Variants in GNS observed in about 807,000 individuals in gnomAD.
GNS encodes glucosamine (N-acetyl)-6-sulfatase.
A neutral mutation model predicts 69.7 loss-of-function variants in GNS; 40 were observed. The observed-to-expected ratio is 0.57, with a 90% confidence interval of 0.45 to 0.75. The LOEUF (loss-of-function observed/expected upper bound fraction) is 0.75. Among genes scored for constraint, GNS ranks in the 30% least tolerant of loss-of-function variants. The probability of loss-of-function intolerance (pLI) is 0.00; values close to 1 mark genes in which losing one functional copy is unlikely to be tolerated. For synonymous variants in GNS, 243 were observed against 251.6 expected, an observed-to-expected ratio of 0.97 and a Z score of 0.32; for missense variants, 565 against 685.5, an observed-to-expected ratio of 0.82 and a Z score of 1.96.
chr12:64,729,306 C>T (rs1235465139), intron 9 of GNS: 1 of 468,812 alleles, frequency 2.1e-6, no homozygotes, highest in Non-Finnish European at 3.8e-6. Flanking sequence ...TCTACCCATT[C>T]TGTTATTGAT....
chr12:64,742,606 G>A (rs1869780127), intron 6 of GNS, among the ~76,000 whole-genome samples: 1 of 152,310 alleles, frequency 6.6e-6, no homozygotes, highest in South Asian at 2.1e-4. Context: ...CTGAGGCAAT[G>A]CAGGCCTTCT....
intron 9 of GNS, 129 bp from the exon 10 acceptor site, chr12:64,729,186 A>G: frequency 1.4e-6 from 1 of 701,510 alleles, no homozygotes; most frequent in Non-Finnish European, 2.6e-6. Context: ...TACAGCCCAT[A>G]CTTTGGTCTG....
chr12:64,727,539 A>G (rs918339881), intron 10 of GNS, among the ~76,000 whole-genome samples: 1 of 152,228 alleles, frequency 6.6e-6, no homozygotes, highest in Non-Finnish European at 1.5e-5. Context: ...ATATATTCAC[A>G]CACAGAATGT....
chr12:64,751,758 G>C (rs551464680), intron 2 of GNS, among the ~76,000 whole-genome samples: 3 of 151,912 alleles, frequency 2.0e-5, no homozygotes, highest in Admixed American at 1.3e-4. Flanking sequence ...AGGCCGAGGC[G>C]GGCAGATCAC....
At position 64,740,624 on chromosome 12, in the gene GNS, T is replaced by C. The variant is rs1869701771; in HGVS notation, c.857A>G (p.Asp286Gly). The stretch of plus-strand genomic sequence containing the variant: ...CTCTTACCTTTTCCTAAATGCATTA[T>C]CTAAAAACTGTATTGAAGAATTAGT... ...PMTNSSIQFL[D>G]NAFRKRWQTL... Residue 286 changes from aspartate (D) to glycine (G), a missense_variant, in exon 7 of 14, where the codon GAT becomes GGT. By Grantham distance (94) the Asp-to-Gly change is moderately conservative. This residue lies in a region of GNS where 384 missense variants were observed against 511.0 expected (regional missense o/e 0.75). Coordinates refer to ENST00000258145, the MANE Select transcript of GNS (RefSeq NM_002076.4). 6.4e-7 allele frequency: 1 copy of C among 1,562,362 alleles called. No homozygotes were observed. Among genetic ancestry groups the C allele is most frequent in the Non-Finnish European group, 8.8e-7 (1 of 1,132,848 alleles).
intron 10 of GNS, among the ~76,000 whole-genome samples, chr12:64,724,487 CTTG>C (rs987372251): frequency 8.5e-4 from 129 of 152,322 alleles, no homozygotes; most frequent in African/African-American, 3.0e-3. Context: ...TATTTCCTAA[CTTG>C]TTGTTCTACA....
intron 4 of GNS, among the ~76,000 whole-genome samples, chr12:64,745,145 T>C (rs971733513): frequency 4.3e-4 from 64 of 149,704 alleles, no homozygotes; most frequent in African/African-American, 1.5e-3. Context: ...ACTACTTTGC[T>C]AAACCTTGTA....
intron 10 of GNS, among the ~76,000 whole-genome samples, chr12:64,728,023 G>C (rs905905796): frequency 6.6e-6 from 1 of 152,098 alleles, no homozygotes; most frequent in Non-Finnish European, 1.5e-5. Flanking sequence ...TCCCAGGTTC[G>C]AGTGATTCTT....
intron 10 of GNS, among the ~76,000 whole-genome samples, chr12:64,724,273 A>T (rs1475293312): frequency 6.6e-6 from 1 of 152,236 alleles, no homozygotes; most frequent in African/African-American, 2.4e-5. Context: ...AACTTGTCAC[A>T]AATGCAAATT....
intron 1 of GNS, among the ~76,000 whole-genome samples, chr12:64,756,973 G>T (rs191728612): frequency 6.6e-6 from 1 of 152,170 alleles, no homozygotes; most frequent in South Asian, 2.1e-4. Flanking sequence ...GAGTCCAGGA[G>T]TTCAAGACCG....
intron 1 of GNS, chr12:64,756,797 A>G (rs1395140302): frequency 7.6e-6 from 9 of 1,190,218 alleles, no homozygotes; most frequent in Non-Finnish European, 1.1e-5. Context: ...AGTTTGGAAC[A>G]TTAAGTTTGA....
At position 64,737,071 on chromosome 12, in the gene GNS, T is replaced by C; in HGVS notation, c.1031A>G (p.Tyr344Cys). The C allele has an allele frequency of 6.3e-7, 1 of 1,598,538 alleles. No individual in the cohort carries two copies. The highest frequency in any genetic ancestry group is 8.6e-7 in the Non-Finnish European group (1 of 1,165,772). Residue 344 changes from tyrosine to cysteine, a missense_variant, in exon 9 of 14, where the codon TAT becomes TGT. Transcript: ENST00000258145. ...FSLPIDKRQLYEFDIKVPLLV... is the reference protein window; with the variant it reads ...FSLPIDKRQLCEFDIKVPLLV... ...CAGTGGAACTTTGATATCAAACTCA[T>C]ACAGCTGTCTCTTGTCTATTGGCAA...
intron 12 of GNS, among the ~76,000 whole-genome samples, chr12:64,721,207 A>C (rs1186561193): frequency 2.0e-5 from 3 of 152,176 alleles, no homozygotes; most frequent in Non-Finnish European, 4.4e-5. Context: ...CCCCACTCTA[A>C]TCTATTACAG....
At chr12:64,721,762 T>C in intron 11 of GNS, 57 bp from the exon 12 acceptor site, 1 of 918,302 alleles carries the variant, frequency 1.1e-6, no homozygotes, top group Non-Finnish European at 1.8e-6. Flanking sequence ...AACAAATACC[T>C]AGTTGCCTAG....
chr12:64,751,951 C>CAAAAAA (rs570528616), intron 2 of GNS, among the ~76,000 whole-genome samples: 1 of 64,820 alleles, frequency 1.5e-5, no homozygotes, highest in East Asian at 5.6e-4. Context: ...TTGCGCCACT[C>CAAAAAA]AAAAAAAAAA....
At position 64,723,089 on chromosome 12, in the gene GNS, G is replaced by A; in HGVS notation, c.1225C>T (p.Arg409Ter). The A allele has an allele frequency of 2.5e-6, 4 of 1,609,668 alleles. No individual in the cohort carries two copies. Among genetic ancestry groups the A allele is most frequent in the Non-Finnish European group, 2.6e-6 (3 of 1,175,964 alleles). ...ILRGASNLTW[R>*]SDVLVEYQGE... ...TGGTATTCCACCAGGACATCTGATC[G>A]CCAGGTCAAGTTACTGGCACCTCTC... is the stretch of plus-strand genomic sequence containing the variant. Residue 409 changes from arginine (R) to a stop codon, truncating the protein, a stop_gained, in exon 11 of 14, where the codon CGA becomes TGA. Coordinates refer to ENST00000258145, the MANE Select transcript of GNS (RefSeq NM_002076.4). LOFTEE classifies it high-confidence loss of function.
chr12:64,721,897 T>A (rs899852882), intron 11 of GNS, among the ~76,000 whole-genome samples, 192 bp from the exon 12 acceptor site: 3 of 152,144 alleles, frequency 2.0e-5, no homozygotes, highest in African/African-American at 7.2e-5. Context: ...TTGATCAAGG[T>A]ATATGGGTTG....
chr12:64,753,018 T>TTAGTCATCAGCGCC (rs544162513), intron 1 of GNS: 94 of 518,182 alleles, frequency 1.8e-4, no homozygotes, highest in Admixed American at 1.7e-3. Flanking sequence ...TGTGCCCTTA[T>TTAGTCATCAGCGCC]TAGTCATCAG....
chr12:64,725,913 G>A (rs978693258), intron 10 of GNS, among the ~76,000 whole-genome samples: 1 of 147,726 alleles, frequency 6.8e-6, no homozygotes, highest in East Asian at 2.0e-4. Context: ...GGAGAATGGC[G>A]TGAACCAGGG....
Sources: allele counts gnomAD v4.1 joint callset (sites outside exome capture counted in the v4.1 genomes callset), GRCh38; gene constraint gnomAD v4.1.1; regional missense constraint gnomAD v4.1.1; transcripts MANE v1.5; gene names NCBI Gene and HGNC (gene_info 2026-07-23, HGNC 2026-07-21).